The following FAR2 variants were observed in gnomAD, a reference collection of about 807,000 sequenced individuals.
The protein encoded by FAR2 is epididymis secretory protein Li 81.
Under a neutral mutation model 56.0 loss-of-function variants are expected in FAR2, and 19 were observed. The observed-to-expected ratio is 0.34, with a 90% CI of 0.24 to 0.50. The LOEUF is 0.50. FAR2 is among the 20% of genes least tolerant of loss of function. The pLI, the probability that FAR2 is intolerant of heterozygous loss-of-function variation, is 0.98. For missense variants in FAR2, 508 were observed against 642.2 expected (o/e 0.79, Z 2.26); for synonymous variants, 219 against 218.8 (o/e 1.00, Z -0.01).
Position 29,270,760 on chromosome 12 carries a change from G to A in FAR2, c.189+122G>A, listed in dbSNP as rs1948604754. On this transcript the variant is annotated intron_variant, in intron 2 of 11. Coordinates refer to ENST00000536681, the MANE Select transcript of FAR2 (RefSeq NM_001271783.2). ...CAGGCTACCTGCACAGGTAGAGGAAGGCAGACAAAACAAGACAGCAACAAG... is the reference window on the plus strand; with the variant it reads ...CAGGCTACCTGCACAGGTAGAGGAAAGCAGACAAAACAAGACAGCAACAAG... The A allele has an allele frequency of 6.2e-6, 5 of 801,726 alleles. No individual in the cohort carries two copies. In the African/African-American group the frequency reaches 7.1e-5, roughly 11 times the overall value. The allele number at this position is 801,726 out of a possible 1,614,324, so 49.7% of individuals were successfully genotyped here. A position where few individuals can be genotyped will look rare whatever the true frequency, so the allele number is the denominator to read the frequency against.
At chr12:29,178,528 C>T (rs767389711) in intron 1 of FAR2, among the ~76,000 whole-genome samples, 6 of 152,066 alleles carry the variant, frequency 3.9e-5, no homozygotes, top group Non-Finnish European at 7.4e-5. Flanking sequence ...CCTGGGACGT[C>T]GAGTCACAGT....
chr12:29,298,687 T>C (rs964690923), intron 4 of FAR2, among the ~76,000 whole-genome samples: 5 of 152,232 alleles, frequency 3.3e-5, no homozygotes, highest in African/African-American at 1.2e-4. Flanking sequence ...CAATAAAGTA[T>C]GTTTAAAGCC....
intron 2 of FAR2, 137 bp from the exon 3 acceptor site, chr12:29,293,163 A>G (rs1949001056): frequency 1.5e-6 from 1 of 682,426 alleles, no homozygotes; most frequent in Admixed American, 4.0e-5. Flanking sequence ...CACCATGCCC[A>G]GCCAGATGTC....
intron 1 of FAR2, among the ~76,000 whole-genome samples, chr12:29,154,417 T>TG (rs1949707162): frequency 6.8e-6 from 1 of 147,122 alleles, no homozygotes; most frequent in African/African-American, 2.6e-5. Context: ...TGTTTTTGTT[T>TG]TTTTTTTTGT....
chr12:29,315,356 T>A (rs1237500796), intron 8 of FAR2, among the ~76,000 whole-genome samples: 1 of 151,854 alleles, frequency 6.6e-6, no homozygotes, highest in African/African-American at 2.4e-5. Context: ...AAAGTCAGAG[T>A]GGTGGGCAGA....
At chr12:29,324,402 A>G (rs2136818464) in intron 10 of FAR2, among the ~76,000 whole-genome samples, 1 of 152,332 alleles carries the variant, frequency 6.6e-6, no homozygotes, top group Non-Finnish European at 1.5e-5. Context: ...AGAGAATGCC[A>G]CAAAGATACT....
intron 9 of FAR2, among the ~76,000 whole-genome samples, chr12:29,319,712 C>G (rs1346372238): frequency 6.6e-6 from 1 of 152,108 alleles, no homozygotes; most frequent in Non-Finnish European, 1.5e-5. Flanking sequence ...CATTAGAGCC[C>G]TAAATTACTT....
At chr12:29,264,759 G>A (rs1407070234) in intron 1 of FAR2, among the ~76,000 whole-genome samples, 2 of 151,924 alleles carry the variant, frequency 1.3e-5, no homozygotes, top group Non-Finnish European at 2.9e-5. Context: ...CATATGATAT[G>A]ATCTTATATC....
Position 29,153,261 on chromosome 12 carries a change from G to T in FAR2, c.-39+3854G>T, listed in dbSNP as rs1000530379. Reference sequence around the variant, plus strand: ...AATCAGGGGCACTGACTCCGTTTTGGTGTTCTGAGAAGGCTTGCTCTTTGA... The same window carrying T: ...AATCAGGGGCACTGACTCCGTTTTGTTGTTCTGAGAAGGCTTGCTCTTTGA... On this transcript the variant is annotated intron_variant, in intron 1 of 11. Transcript: ENST00000536681. 2.6e-5 allele frequency among the ~76,000 whole-genome samples: 4 copies of T among 152,194 alleles called. No individual in the cohort carries two copies. In the East Asian group the frequency reaches 5.8e-4, roughly 22 times the overall value.
At chr12:29,278,849 G>GA (rs1184521971) in intron 2 of FAR2, among the ~76,000 whole-genome samples, 1 of 152,156 alleles carries the variant, frequency 6.6e-6, no homozygotes, top group African/African-American at 2.4e-5. Flanking sequence ...TGCTAGACTA[G>GA]AAATGGAGAC....
intron 7 of FAR2, among the ~76,000 whole-genome samples, 186 bp from the exon 8 acceptor site, chr12:29,311,697 C>T: frequency 6.6e-6 from 1 of 151,750 alleles, no homozygotes; most frequent in African/African-American, 2.4e-5. Flanking sequence ...CACACACATG[C>T]TTTTCCTAGT....
chr12:29,229,791 A>G (rs1214264755), intron 1 of FAR2, among the ~76,000 whole-genome samples: 1 of 152,210 alleles, frequency 6.6e-6, no homozygotes, highest in Non-Finnish European at 1.5e-5. Flanking sequence ...AAAAGAGTAT[A>G]TGGAAAGGGC....
At chr12:29,296,884 C>T (rs528618469) in intron 3 of FAR2, 137 bp from the exon 4 acceptor site, 2 of 706,320 alleles carry the variant, frequency 2.8e-6, no homozygotes, top group Non-Finnish European at 4.8e-6. Context: ...GTAGCCATGA[C>T]CCATCCTTCT....
chr12:29,200,313 C>T (rs1257366637), intron 1 of FAR2, among the ~76,000 whole-genome samples: 1 of 152,178 alleles, frequency 6.6e-6, no homozygotes, highest in Non-Finnish European at 1.5e-5. Flanking sequence ...GAAAAATCAG[C>T]TGGCAAGGAG....
chr12:29,230,184 C>T (rs910013125), intron 1 of FAR2, among the ~76,000 whole-genome samples: 7 of 152,098 alleles, frequency 4.6e-5, no homozygotes, highest in Admixed American at 3.9e-4. Context: ...ACGTAAACTA[C>T]ATCAGGTGGT....
chr12:29,178,000 G>C (rs1376947496), intron 1 of FAR2, among the ~76,000 whole-genome samples: 1 of 152,062 alleles, frequency 6.6e-6, no homozygotes, highest in African/African-American at 2.4e-5. Context: ...CAAGATGGTG[G>C]ATAGTCTATG....
intron 9 of FAR2, among the ~76,000 whole-genome samples, chr12:29,318,048 G>A (rs927558168): frequency 2.6e-5 from 4 of 152,214 alleles, no homozygotes; most frequent in Admixed American, 2.6e-4. Context: ...AATATTATGT[G>A]TCAGAGGAGT....
At chr12:29,256,499 GCTCA>G (rs1565490912) in intron 1 of FAR2, among the ~76,000 whole-genome samples, 2 of 152,184 alleles carry the variant, frequency 1.3e-5, no homozygotes, top group African/African-American at 4.8e-5. Context: ...CACAGCCCTC[GCTCA>G]CTCTCAGCAC....
intron 1 of FAR2, among the ~76,000 whole-genome samples, chr12:29,218,741 A>AGATTTTTAAGCTTTT (rs1947651618): frequency 6.6e-6 from 1 of 152,228 alleles, no homozygotes; most frequent in African/African-American, 2.4e-5. Context: ...AAAAATCTTA[A>AGATTTTTAAGCTTTT]AAGCAGCTAG....
Sources: gnomAD v4.1 joint callset for allele counts (sites outside exome capture counted in the v4.1 genomes callset) on GRCh38, gnomAD v4.1.1 for gene constraint, MANE v1.5 for transcripts, NCBI Gene and HGNC (gene_info 2026-07-23, HGNC 2026-07-21) for gene names.